DNAAF2: variants seen among roughly 807,000 people sequenced by gnomAD.
The protein encoded by DNAAF2 is protein kintoun.
DNAAF2 carries 58 observed loss-of-function variants against 48.8 expected under a neutral mutation model. The ratio of observed to expected loss-of-function variants is 1.19; its 90% CI spans 0.96 to 1.48. The LOEUF (loss-of-function observed/expected upper bound fraction) is 1.48. Among genes scored for constraint, DNAAF2 ranks in the 40% most tolerant of loss-of-function variants. The pLI is 0.00. For synonymous variants in DNAAF2, 567 were observed against 481.2 expected, an observed-to-expected ratio of 1.18 and a Z score of -2.33; for missense variants, 1,241 against 1,116.1, an observed-to-expected ratio of 1.11 and a Z score of -1.59.
chr14:49,630,739 CT>C (rs1259059829), intron 1 of DNAAF2, among the ~76,000 whole-genome samples: 3 of 55,110 alleles, frequency 5.4e-5, no homozygotes, highest in Non-Finnish European at 1.7e-4. Context: ...CACAAACTCT[CT>C]ACACACACAC....
Position 49,633,521 on chromosome 14 carries a change from G to C in DNAAF2, c.1629C>G (p.Ile543Met), listed in dbSNP as rs776822920. The change falls in exon 1 of 3, where the codon ATC becomes ATG. Residue 543 changes from isoleucine to methionine, a missense_variant. Coordinates refer to ENST00000298292, the MANE Select transcript of DNAAF2 (RefSeq NM_018139.3). The part of the protein sequence containing the change: ...TLTLLIQVPR[I>M]QPQSLQGDLN... ...AATCTCCTTGAAGACTTTGCGGCTG[G>C]ATCCGAGGCACCTGAATGAGCAGAG... The C allele has an allele frequency of 1.2e-6, 2 of 1,614,036 alleles. No homozygotes were observed. The highest frequency in any genetic ancestry group is 1.7e-6 in the Non-Finnish European group (2 of 1,179,876).
chr14:49,630,950 C>T (rs953914401), intron 1 of DNAAF2, among the ~76,000 whole-genome samples: 1 of 152,102 alleles, frequency 6.6e-6, no homozygotes, highest in African/African-American at 2.4e-5. Context: ...AGGGTTTCAC[C>T]TTGTTGGCCA....
At position 49,625,920 on chromosome 14, in the gene DNAAF2, T is replaced by C. The variant is rs1882993301; in HGVS notation, c.2136A>G (p.Ile712Met). Residue 712 changes from isoleucine to methionine, a missense_variant, in exon 3 of 3, where the codon ATA becomes ATG. Coordinates refer to ENST00000298292, the MANE Select transcript of DNAAF2 (RefSeq NM_018139.3). Reference protein sequence around the residue: ...NTPTTDSDSSIAVKALQIDSF... With the variant: ...NTPTTDSDSSMAVKALQIDSF... ...TATCTATTTGTAGTGCTTTAACTGC[T>C]ATAGATGAATCAGAATCAGTTGTAG... The C allele has an allele frequency of 6.2e-7, 1 of 1,613,568 alleles. No individual in the cohort carries two copies. The highest frequency in any genetic ancestry group is 8.5e-7 in the Non-Finnish European group (1 of 1,179,760).
chr14:49,625,342 A>C lies in DNAAF2; in HGVS notation c.*200T>G, dbSNP rs939666787. 2.8e-6 allele frequency: 1 copy of C among 357,090 alleles called. No individual in the cohort carries two copies. Among genetic ancestry groups the C allele is most frequent in the Non-Finnish European group, 5.0e-6 (1 of 201,278 alleles). The allele number at this position is 357,090 out of a possible 1,614,324, so 22.1% of individuals were successfully genotyped here. On this transcript the variant is annotated 3_prime_UTR_variant, in exon 3 of 3. Coordinates refer to ENST00000298292, the MANE Select transcript of DNAAF2 (RefSeq NM_018139.3). The stretch of plus-strand genomic sequence containing the variant: ...TCACAAAACTTATCTCCATAAGGAA[A>C]CTTTAAACTCCAGAGGCAAAAAAAA...
At position 49,625,454 on chromosome 14, in the gene DNAAF2, T is replaced by A; in HGVS notation, c.*88A>T. On this transcript the variant is annotated 3_prime_UTR_variant, in exon 3 of 3. Transcript: ENST00000298292. ...AATTTTAATTTTATACTTTAATACC[T>A]TTAGTTTTAAGACAACAGTTAACAG... 1 of 1,029,218 alleles carries A rather than the reference T, an allele frequency of 9.7e-7. No individual in the cohort carries two copies. Among genetic ancestry groups the A allele is most frequent in the Non-Finnish European group, 1.3e-6 (1 of 779,072 alleles). The allele number at this position is 1,029,218 out of a possible 1,614,324, so 63.8% of individuals were successfully genotyped here.
At position 49,625,500 on chromosome 14, in the gene DNAAF2, AT is replaced by A. The variant is rs1167832644; in HGVS notation, c.*41del. Reference sequence around the variant, plus strand: ...AACAGAATCAATTTTAGATACAGGTATTTTTTAACCTTAATATTTAAAAGTC... The same window carrying A: ...AACAGAATCAATTTTAGATACAGGTATTTTTAACCTTAATATTTAAAAGTC... On this transcript the variant is annotated 3_prime_UTR_variant, in exon 3 of 3. Transcript: ENST00000298292. The A allele has an allele frequency of 2.3e-6, 3 of 1,301,798 alleles. No homozygotes were observed. Among genetic ancestry groups the A allele is most frequent in the Non-Finnish European group, 2.0e-6 (2 of 990,560 alleles). The allele number at this position is 1,301,798 out of a possible 1,614,324, so 80.6% of individuals were successfully genotyped here.
intron 1 of DNAAF2, among the ~76,000 whole-genome samples, chr14:49,631,872 T>C (rs1566510618): frequency 6.6e-6 from 1 of 152,244 alleles, no homozygotes. Context: ...TATGTTCCAC[T>C]ACTCATGATT....
Position 49,633,994 on chromosome 14 carries a change from C to G in DNAAF2, c.1156G>C (p.Gly386Arg). The G allele has an allele frequency of 6.6e-7, 1 of 1,524,062 alleles. No homozygotes were observed. The highest frequency in any genetic ancestry group is 8.8e-7 in the Non-Finnish European group (1 of 1,142,192). The allele number at this position is 1,524,062 out of a possible 1,614,324, so 94.4% of individuals were successfully genotyped here. Residue 386 changes from glycine (G) to arginine (R), a missense_variant, in exon 1 of 3, where the codon GGG becomes CGG. Gly to Arg is a moderately radical substitution (Grantham distance 125, BLOSUM62 -2). Coordinates refer to ENST00000298292, the MANE Select transcript of DNAAF2 (RefSeq NM_018139.3). The part of the protein sequence containing the change: ...DGQACASARE[G>R]EAGPARSRAE... ...CGACTCCTCGCGGGTCCCGCCTCCCCCTCGCGAGCGGAAGCGCAGGCCTGG... is the reference window on the plus strand; with the variant it reads ...CGACTCCTCGCGGGTCCCGCCTCCCGCTCGCGAGCGGAAGCGCAGGCCTGG...
At chr14:49,627,854 CAA>C (rs1192627447) in intron 2 of DNAAF2, among the ~76,000 whole-genome samples, 156 bp downstream of exon 2, 18 of 110,176 alleles carry the variant, frequency 1.6e-4, no homozygotes, top group East Asian at 2.6e-4. Flanking sequence ...GACTCCATCT[CAA>C]AAAAAAAAAA....
rs1883177205 is a variant in DNAAF2, at chr14:49,632,020, A to ATT, written c.1863+1266_1863+1267insAA. Among the ~76,000 whole-genome samples, 3 of 152,246 alleles carry ATT rather than the reference A, an allele frequency of 2.0e-5. No homozygotes were observed. The South Asian group carries it at 6.2e-4, about 32-fold the overall frequency. ...CAAATCTATTTCAGGCTTCAAAGAT[A>ATT]TAAAATACAGTTGCCCTAATCCCAT... On this transcript the variant is annotated intron_variant, in intron 1 of 2. Coordinates refer to ENST00000298292, the MANE Select transcript of DNAAF2 (RefSeq NM_018139.3).
At position 49,629,036 on chromosome 14, in the gene DNAAF2, C is replaced by T. The variant is rs117740860; in HGVS notation, c.1864-881G>A. ...GGAGTGCAGTGGCATAATCACGGCT[C>T]GCTGCAGCCTTGACCTCCCAGGCTC... is the stretch of plus-strand genomic sequence containing the variant. On this transcript the variant is annotated intron_variant, in intron 1 of 2. Coordinates refer to ENST00000298292, the MANE Select transcript of DNAAF2 (RefSeq NM_018139.3). Among the ~76,000 whole-genome samples the T allele has an allele frequency of 4.5e-3, 691 of 152,198 alleles. 5 individuals carry two copies. Among genetic ancestry groups the T allele is most frequent in the East Asian group, 0.018 (92 of 5,156 alleles).
chr14:49,626,112 C>T lies in DNAAF2; in HGVS notation c.2008-64G>A. The stretch of plus-strand genomic sequence containing the variant: ...ATAATACAAAATTAAATTGTACTAC[C>T]CTCTGGAAATAAAATTTTTAACAGT... On this transcript the variant is annotated intron_variant, in intron 2 of 2. Coordinates refer to ENST00000298292, the MANE Select transcript of DNAAF2 (RefSeq NM_018139.3). The T allele has an allele frequency of 2.4e-6, 3 of 1,274,408 alleles. No homozygotes were observed. In the South Asian group the frequency reaches 7.1e-5, roughly 30 times the overall value. The allele number at this position is 1,274,408 out of a possible 1,614,324, so 78.9% of individuals were successfully genotyped here.
chr14:49,635,163 T>C lies in DNAAF2; in HGVS notation c.-14A>G, dbSNP rs1256231186. On this transcript the variant is annotated 5_prime_UTR_variant, in exon 1 of 3. Transcript: ENST00000298292. ...CGCTTTGGCCATACTGTCCTGTGGC[T>C]CCTCGCCCTCGGGCCAAAGGCGATC... is the stretch of plus-strand genomic sequence containing the variant. The C allele has an allele frequency of 3.9e-6, 6 of 1,552,278 alleles. No homozygotes were observed. The East Asian group carries it at 1.5e-4, about 38-fold the overall frequency.
rs1475593242 is a variant in DNAAF2 at position 49,625,749 on chromosome 14, G to A, written c.2307C>T (p.Asn769=). The A allele has an allele frequency of 6.2e-7, 1 of 1,612,552 alleles. No individual in the cohort carries two copies. The highest frequency in any genetic ancestry group is 1.3e-5 in the African/African-American group (1 of 74,820). Residue 769 remains asparagine, a synonymous_variant, in exon 3 of 3, where the codon AAC becomes AAT. Coordinates refer to ENST00000298292, the MANE Select transcript of DNAAF2 (RefSeq NM_018139.3). ...SATCSNEEKD[N]LNESVITEEK... is the part of the protein sequence containing the mutation. ...CTTCAGTTATTACTGACTCGTTTAA[G>A]TTATCTTTTTCCTCATTTGAACAAG...
rs753893107 is a variant in DNAAF2 at position 49,634,035 on chromosome 14, C to T, written c.1115G>A (p.Arg372Gln). 3.6e-5 allele frequency: 55 copies of T among 1,519,930 alleles called. No homozygotes were observed. The highest frequency in any genetic ancestry group is 4.6e-5 in the Non-Finnish European group (52 of 1,139,048). The allele number at this position is 1,519,930 out of a possible 1,614,324, so 94.2% of individuals were successfully genotyped here. The change falls in exon 1 of 3, where the codon CGG (arginine) becomes CAG (glutamine). Residue 372 changes from arginine (R) to glutamine (Q), a missense_variant. Arg to Gln is a conservative substitution (Grantham distance 43, BLOSUM62 1). Coordinates refer to ENST00000298292, the MANE Select transcript of DNAAF2 (RefSeq NM_018139.3). ...AAAAPEESAD[R>Q]SGTDGQACAS... is the part of the protein sequence containing the mutation. ...GCAGGCCTGGCCGTCAGTTCCGGAC[C>T]GGTCCGCGGACTCTTCCGGCGCGGC...
In DNAAF2 at chr14:49,634,131, C is replaced by A; in HGVS notation, c.1019G>T (p.Arg340Leu). 1 of 1,565,494 alleles carries A rather than the reference C, an allele frequency of 6.4e-7. No homozygotes were observed. Among genetic ancestry groups the A allele is most frequent in the African/African-American group, 1.4e-5 (1 of 73,884 alleles). The change falls in exon 1 of 3, where the codon CGG (arginine) becomes CTG (leucine). Residue 340 changes from arginine (R) to leucine (L), a missense_variant. Transcript: ENST00000298292. Reference sequence around the variant, plus strand: ...CACTGGCAGCGTAACCACCAGCTGCCGCCGGGCCTTGTTGAATTGTGCCTT... The same window carrying A: ...CACTGGCAGCGTAACCACCAGCTGCAGCCGGGCCTTGTTGAATTGTGCCTT... ...RGKAQFNKARRQLVVTLPVVL... is the reference protein window; with the variant it reads ...RGKAQFNKARLQLVVTLPVVL...
At chr14:49,630,669 C>CCACACACACACACACACA (rs71441237) in intron 1 of DNAAF2, among the ~76,000 whole-genome samples, 5,264 of 132,334 alleles carry the variant, frequency 0.04, 163 homozygotes, top group Admixed American at 0.054. Flanking sequence ...AACTCTCTCT[C>CCACACACACACACACACA]CACACACACA....
chr14:49,634,451 G>A lies in DNAAF2; in HGVS notation c.699C>T (p.Ala233=), dbSNP rs760946325. The change falls in exon 1 of 3, where the codon GCC becomes GCT. Residue 233 remains alanine (A), a synonymous_variant. Transcript: ENST00000298292. ...DFPYPYQYPA[A]PGPRAPSPPE... ...GAGGGGAGGGCGCCCGGGGCCCGGG[G>A]GCTGCCGGGTACTGGTAAGGGTAGG... 1.9e-6 allele frequency: 3 copies of A among 1,559,520 alleles called. No homozygotes were observed. The highest frequency in any genetic ancestry group is 2.6e-6 in the Non-Finnish European group (3 of 1,155,984).
At chr14:49,629,906 T>C (rs994862510) in intron 1 of DNAAF2, 1 of 152,212 alleles carries the variant, frequency 6.6e-6, no homozygotes. Flanking sequence ...TCAGGGCATT[T>C]TGAATCTATG....
Sources: allele counts gnomAD v4.1 joint callset (sites outside exome capture counted in the v4.1 genomes callset), GRCh38; gene constraint gnomAD v4.1.1; transcripts MANE v1.5; gene names NCBI Gene and HGNC (gene_info 2026-07-23, HGNC 2026-07-21).